The following DISC1 variants were observed in gnomAD, a reference collection of about 807,000 sequenced individuals.
The protein encoded by DISC1 is DISC1 scaffold protein.
A neutral mutation model predicts 84.5 loss-of-function variants in DISC1; 57 were observed. The observed-to-expected ratio is 0.67, with a 90% CI of 0.55 to 0.84. The LOEUF (loss-of-function observed/expected upper bound fraction) is 0.84, where lower values mean the gene tolerates loss of function less well. DISC1 is among the 40% of genes least tolerant of loss of function. The pLI is 0.00. For missense variants in DISC1, 1,000 were observed against 1,057.8 expected (o/e 0.95, Z 0.76); for synonymous variants, 411 against 415.2 (o/e 0.99, Z 0.12).
chr1:231,790,476 C>T (rs1027798930), intron 6 of DISC1, among the ~76,000 whole-genome samples: 2 of 151,894 alleles, frequency 1.3e-5, no homozygotes, highest in East Asian at 3.9e-4. Context: ...TTCAGATGAT[C>T]TTCCCTCCAC....
At chr1:231,834,369 C>G (rs888193137) in intron 9 of DISC1, among the ~76,000 whole-genome samples, 2 of 151,710 alleles carry the variant, frequency 1.3e-5, no homozygotes, top group Non-Finnish European at 2.9e-5. Flanking sequence ...AGGGGACAGG[C>G]AGGAGGGAAA....
At chr1:231,934,219 C>T (rs1033423883) in intron 9 of DISC1, among the ~76,000 whole-genome samples, 6 of 152,154 alleles carry the variant, frequency 3.9e-5, no homozygotes, top group African/African-American at 7.2e-5. Context: ...GCTTCAGGGT[C>T]GCCATCTCTG....
At chr1:231,840,334 A>G (rs748020306) in intron 9 of DISC1, among the ~76,000 whole-genome samples, 24 of 152,196 alleles carry the variant, frequency 1.6e-4, no homozygotes, top group Non-Finnish European at 2.2e-4. Flanking sequence ...AAAAATTTAT[A>G]TCCCACAAAA....
At chr1:231,704,759 CAAAAAAAA>C (rs146300199) in intron 3 of DISC1, among the ~76,000 whole-genome samples, 11 of 24,328 alleles carry the variant, frequency 4.5e-4, no homozygotes, top group Non-Finnish European at 7.3e-4. Context: ...GACTCCGTCT[CAAAAAAAA>C]AAAAAAAAAA....
chr1:231,985,895 C>G (rs1055153813), intron 10 of DISC1, among the ~76,000 whole-genome samples: 17 of 152,036 alleles, frequency 1.1e-4, no homozygotes, highest in Admixed American at 6.6e-5. Flanking sequence ...GATTGTGTTT[C>G]CCAGGTAGAA....
At chr1:231,851,044 G>T (rs555644653) in intron 9 of DISC1, among the ~76,000 whole-genome samples, 3 of 152,106 alleles carry the variant, frequency 2.0e-5, no homozygotes, top group African/African-American at 2.4e-5. Context: ...TGGAGAGGTC[G>T]GTATGCCCTG....
intron 9 of DISC1, among the ~76,000 whole-genome samples, chr1:231,874,261 G>A (rs966843390): frequency 2.7e-5 from 4 of 148,226 alleles, no homozygotes; most frequent in East Asian, 2.1e-4. Flanking sequence ...GGGTTCAAGC[G>A]ATTCTCCTGC....
At chr1:232,029,980 T>C (rs1669847512) in intron 12 of DISC1, among the ~76,000 whole-genome samples, 1 of 152,222 alleles carries the variant, frequency 6.6e-6, no homozygotes, top group South Asian at 2.1e-4. Context: ...TGCCTCTTCA[T>C]CGTCCTGACA....
intron 10 of DISC1, among the ~76,000 whole-genome samples, chr1:231,996,532 G>A (rs1665984167): frequency 6.6e-6 from 1 of 152,094 alleles, no homozygotes; most frequent in Admixed American, 6.6e-5. Context: ...TGCCCTTTAA[G>A]TGAACATATT....
At chr1:231,764,454 A>G (rs1378468112) in intron 4 of DISC1, among the ~76,000 whole-genome samples, 1 of 152,166 alleles carries the variant, frequency 6.6e-6, no homozygotes, top group Non-Finnish European at 1.5e-5. Flanking sequence ...ATTTTGGTGA[A>G]TATTTTTCTT....
intron 3 of DISC1, among the ~76,000 whole-genome samples, chr1:231,718,591 C>T (rs1326360422): frequency 2.0e-5 from 3 of 152,158 alleles, no homozygotes; most frequent in African/African-American, 7.2e-5. Context: ...CATGTGCCAC[C>T]ACACCTGGCA....
At chr1:231,795,213 G>C (rs1311838013) in intron 6 of DISC1, 29 bp from the exon 7 acceptor site, 1 of 1,609,958 alleles carries the variant, frequency 6.2e-7, no homozygotes, top group East Asian at 2.2e-5. Flanking sequence ...TTACCAAGAA[G>C]ACCAATCTCC....
rs58636016 is a variant in DISC1 at position 231,868,692 on chromosome 1, T to TTATATATATATATATATATA, written c.1981+50199_1981+50218dup. 9.0e-4 allele frequency among the ~76,000 whole-genome samples: 98 copies of TTATATATATATATATATATA among 108,824 alleles called. 2 individuals are homozygous for TTATATATATATATATATATA. Among genetic ancestry groups the TTATATATATATATATATATA allele is most frequent in the South Asian group, 2.2e-3 (6 of 2,700 alleles). The allele number at this position is 108,824 out of a possible 152,430, so 71.4% of individuals were successfully genotyped here. On this transcript the variant is annotated intron_variant, in intron 9 of 12. Coordinates refer to ENST00000439617, the MANE Select transcript of DISC1 (RefSeq NM_018662.3). Reference sequence around the variant, plus strand: ...GGGCAACATAGCAAGACCCCATCTCTTATATATATATATATATATATATAT... The same window carrying TTATATATATATATATATATA: ...GGGCAACATAGCAAGACCCCATCTCTTATATATATATATATATATATATATATATATATATATATATATAT...
intron 9 of DISC1, among the ~76,000 whole-genome samples, chr1:231,942,987 T>C (rs967950421): frequency 3.3e-5 from 5 of 152,246 alleles, no homozygotes; most frequent in Non-Finnish European, 4.4e-5. Flanking sequence ...AAGGCTTGCC[T>C]TTTTCTCTTC....
intron 8 of DISC1, among the ~76,000 whole-genome samples, chr1:231,809,228 C>T (rs964989853): frequency 6.6e-6 from 1 of 152,194 alleles, no homozygotes; most frequent in Non-Finnish European, 1.5e-5. Context: ...ATTCCCGTTA[C>T]AGTCACCACA....
At chr1:232,007,211 C>T (rs542670009) in intron 10 of DISC1, among the ~76,000 whole-genome samples, 11 of 152,300 alleles carry the variant, frequency 7.2e-5, no homozygotes, top group Admixed American at 3.9e-4. Context: ...TGAGTCCCCA[C>T]TGGGGCACTG....
intron 10 of DISC1, among the ~76,000 whole-genome samples, chr1:231,979,431 C>T (rs961380153): frequency 4.6e-5 from 7 of 151,694 alleles, no homozygotes; most frequent in Admixed American, 6.6e-5. Flanking sequence ...TATCATTAGT[C>T]GAATCTAGAA....
At chr1:231,663,677 C>T (rs534850663) in intron 1 of DISC1, among the ~76,000 whole-genome samples, 3 of 152,312 alleles carry the variant, frequency 2.0e-5, no homozygotes, top group South Asian at 4.1e-4. Context: ...TTACCCTCCA[C>T]GTGTTGCATA....
intron 9 of DISC1, among the ~76,000 whole-genome samples, chr1:231,868,692 T>TTTTATATATATATATATA (rs2085227096): frequency 9.2e-6 from 1 of 108,842 alleles, no homozygotes; most frequent in African/African-American, 3.2e-5. Flanking sequence ...ACCCCATCTC[T>TTTTATATATATATATATA]TATATATATA....
Sources: allele counts gnomAD v4.1 joint callset (sites outside exome capture counted in the v4.1 genomes callset), GRCh38; gene constraint gnomAD v4.1.1; transcripts MANE v1.5; gene names NCBI Gene and HGNC (gene_info 2026-07-23, HGNC 2026-07-21).